Variants in LRRTM4 observed in about 807,000 individuals in gnomAD.
The protein encoded by LRRTM4 is leucine rich repeat transmembrane neuronal 4.
LRRTM4 carries 25 observed loss-of-function variants against 47.6 expected under a neutral mutation model. The ratio of observed to expected loss-of-function variants is 0.53; its 90% confidence interval spans 0.38 to 0.73. The LOEUF (loss-of-function observed/expected upper bound fraction) is 0.73, where lower values mean the gene tolerates loss of function less well. Ranked by LOEUF, LRRTM4 falls within the 30% of genes least tolerant of loss-of-function variation. The pLI, the probability that LRRTM4 is intolerant of heterozygous loss-of-function variation, is 0.00. For missense variants in LRRTM4, 638 were observed against 713.4 expected (o/e 0.89, Z 1.20); for synonymous variants, 311 against 269.5 (o/e 1.15, Z -1.51).
At chr2:76,850,390 T>C (rs1033541779) in intron 3 of LRRTM4, among the ~76,000 whole-genome samples, 1 of 152,116 alleles carries the variant, frequency 6.6e-6, no homozygotes, top group African/African-American at 2.4e-5. Context: ...AACACTGCAT[T>C]AGAACTGTAA....
intron 3 of LRRTM4, among the ~76,000 whole-genome samples, chr2:76,779,925 C>T (rs1322522269): frequency 6.6e-6 from 1 of 151,828 alleles, no homozygotes; most frequent in East Asian, 1.9e-4. Flanking sequence ...ATGTTTAGTG[C>T]TTCCTTCAGG....
At chr2:77,336,563 C>T (rs867977115) in intron 3 of LRRTM4, among the ~76,000 whole-genome samples, 4 of 152,150 alleles carry the variant, frequency 2.6e-5, no homozygotes, top group Middle Eastern at 3.4e-3. Context: ...GATGGTTCAA[C>T]ATAGGCAAAT....
At chr2:77,393,956 G>A (rs185394482) in intron 3 of LRRTM4, among the ~76,000 whole-genome samples, 5 of 151,798 alleles carry the variant, frequency 3.3e-5, no homozygotes, top group African/African-American at 9.6e-5. Context: ...ACATTTATTC[G>A]AAAAAAAGTT....
chr2:77,014,302 G>A (rs1677977665), intron 3 of LRRTM4, among the ~76,000 whole-genome samples: 1 of 151,980 alleles, frequency 6.6e-6, no homozygotes, highest in African/African-American at 2.4e-5. Flanking sequence ...ATAGGACTGA[G>A]TGCATATTCT....
chr2:77,341,774 T>C (rs1671380875), intron 3 of LRRTM4, among the ~76,000 whole-genome samples: 1 of 151,964 alleles, frequency 6.6e-6, no homozygotes, highest in South Asian at 2.1e-4. Flanking sequence ...GTTTTAGGCA[T>C]GGATGGGAGT....
At chr2:76,814,480 T>TCAAA (rs1327687782) in intron 3 of LRRTM4, among the ~76,000 whole-genome samples, 5 of 152,054 alleles carry the variant, frequency 3.3e-5, no homozygotes, top group Non-Finnish European at 1.5e-5. Flanking sequence ...ATCTGCGGAT[T>TCAAA]CAAACAACCA....
chr2:77,165,955 G>A (rs1044509601), intron 3 of LRRTM4, among the ~76,000 whole-genome samples: 5 of 152,112 alleles, frequency 3.3e-5, no homozygotes, highest in African/African-American at 1.2e-4. Context: ...TGGAAGTTCT[G>A]GCCAAGTCAA....
At chr2:76,847,961 C>T (rs1043719745) in intron 3 of LRRTM4, among the ~76,000 whole-genome samples, 1 of 152,028 alleles carries the variant, frequency 6.6e-6, no homozygotes, top group Non-Finnish European at 1.5e-5. Context: ...AATGGAAGAT[C>T]TACTAGCCAA....
At chr2:77,049,898 G>C (rs1408918493) in intron 3 of LRRTM4, among the ~76,000 whole-genome samples, 1 of 151,790 alleles carries the variant, frequency 6.6e-6, no homozygotes, top group Non-Finnish European at 1.5e-5. Context: ...TCCTCTCTCT[G>C]TATATATTTT....
chr2:77,170,530 T>A (rs1247901486), intron 3 of LRRTM4, among the ~76,000 whole-genome samples: 2 of 152,174 alleles, frequency 1.3e-5, no homozygotes, highest in Non-Finnish European at 1.5e-5. Flanking sequence ...AATGGAGATC[T>A]TAGATAATAA....
chr2:77,205,533 A>G (rs2103909022), intron 3 of LRRTM4, among the ~76,000 whole-genome samples: 1 of 152,220 alleles, frequency 6.6e-6, no homozygotes, highest in East Asian at 1.9e-4. Context: ...TCTGAAGCAG[A>G]TGTATGTGGC....
chr2:77,073,175 G>A (rs959439704), intron 3 of LRRTM4, among the ~76,000 whole-genome samples: 1 of 150,410 alleles, frequency 6.6e-6, no homozygotes, highest in Non-Finnish European at 1.5e-5. Context: ...TGGTTCTTCA[G>A]TGTTTTTTTT....
intron 3 of LRRTM4, among the ~76,000 whole-genome samples, chr2:77,218,311 A>G (rs1404568634): frequency 6.6e-6 from 1 of 152,000 alleles, no homozygotes; most frequent in African/African-American, 2.4e-5. Context: ...CTTTTTTTCT[A>G]CAAAAAAACC....
chr2:76,861,677 C>A (rs952297918), intron 3 of LRRTM4, among the ~76,000 whole-genome samples: 1 of 152,064 alleles, frequency 6.6e-6, no homozygotes, highest in Non-Finnish European at 1.5e-5. Context: ...ATGGTCTCAC[C>A]TTTTTCTTTT....
In LRRTM4 at chr2:76,974,215, T is replaced by TATATATAC. The variant is rs1676334529; in HGVS notation, c.1552-225307_1552-225300dup. ...ATATATACATATATATATATACACA[T>TATATATAC]ATATATACATACATATATATATATA... On this transcript the variant is annotated intron_variant, in intron 3 of 3. Coordinates refer to ENST00000409884, the MANE Select transcript of LRRTM4 (RefSeq NM_001134745.3). Among the ~76,000 whole-genome samples, 4 of 96,162 alleles carry TATATATAC rather than the reference T, an allele frequency of 4.2e-5. No homozygotes were observed. The Admixed American group carries it at 4.7e-4, about 11-fold the overall frequency. 63.1% of individuals were successfully genotyped at this position (96,162 alleles called of 152,430 possible). A position where few individuals can be genotyped will look rare whatever the true frequency, so the allele number is the denominator to read the frequency against.
At chr2:77,255,740 A>G (rs185727632) in intron 3 of LRRTM4, among the ~76,000 whole-genome samples, 2 of 152,220 alleles carry the variant, frequency 1.3e-5, no homozygotes, top group Admixed American at 1.3e-4. Flanking sequence ...ATGAAATTAC[A>G]TGTCAATATA....
At chr2:76,849,039 C>G (rs570329150) in intron 3 of LRRTM4, among the ~76,000 whole-genome samples, 2 of 152,192 alleles carry the variant, frequency 1.3e-5, no homozygotes, top group Admixed American at 1.3e-4. Flanking sequence ...TTTTCTTTCT[C>G]TCCCCCTATC....
intron 3 of LRRTM4, among the ~76,000 whole-genome samples, chr2:77,348,608 A>G (rs1671651971): frequency 6.6e-6 from 1 of 150,550 alleles, no homozygotes; most frequent in Non-Finnish European, 1.5e-5. Context: ...AATATGAAAA[A>G]CATTTATTTC....
intron 3 of LRRTM4, among the ~76,000 whole-genome samples, chr2:77,443,102 A>G (rs1359821263): frequency 6.6e-6 from 1 of 152,146 alleles, no homozygotes; most frequent in Non-Finnish European, 1.5e-5. Context: ...GGTCTCAAAG[A>G]AAAGCAGTGT....
Sources: gnomAD v4.1 joint callset for allele counts (sites outside exome capture counted in the v4.1 genomes callset) on GRCh38, gnomAD v4.1.1 for gene constraint, MANE v1.5 for transcripts, NCBI Gene and HGNC (gene_info 2026-07-23, HGNC 2026-07-21) for gene names.